UCHL5: variants seen among roughly 807,000 people sequenced by gnomAD.
UCHL5 encodes the protein ubiquitin carboxyl-terminal hydrolase isozyme L5.
In UCHL5, 34 loss-of-function variants were observed where a neutral mutation model predicts 53.8. The observed-to-expected ratio is 0.63, with a 90% confidence interval of 0.48 to 0.84. UCHL5 has a LOEUF of 0.84. Ranked by LOEUF, UCHL5 falls within the 40% of genes least tolerant of loss-of-function variation. UCHL5 has a pLI of 0.00. For synonymous variants in UCHL5, 111 were observed against 126.3 expected, an observed-to-expected ratio of 0.88 and a Z score of 0.81; for missense variants, 290 against 385.6, an observed-to-expected ratio of 0.75 and a Z score of 2.08.
At chr1:193,030,658 T>A (rs1047066668) in intron 3 of UCHL5, among the ~76,000 whole-genome samples, 2 of 152,238 alleles carry the variant, frequency 1.3e-5, no homozygotes, top group African/African-American at 4.8e-5. Context: ...TACAGTATTA[T>A]GTTACTATAT....
chr1:193,020,506 C>G, intron 10 of UCHL5: 1 of 1,431,440 alleles, frequency 7.0e-7, no homozygotes, highest in South Asian at 1.6e-5. Flanking sequence ...CACTGATGTT[C>G]ACTTTCAGAA....
chr1:193,020,438 T>C, intron 10 of UCHL5: 9 of 1,544,384 alleles, frequency 5.8e-6, no homozygotes, highest in Non-Finnish European at 7.9e-6. Context: ...TAAAGAATCC[T>C]TCCCCTATAT....
At chr1:193,035,555 A>C (rs1160569083) in intron 3 of UCHL5, among the ~76,000 whole-genome samples, 3 of 152,112 alleles carry the variant, frequency 2.0e-5, no homozygotes, top group Non-Finnish European at 2.9e-5. Context: ...AGCTGAGAGA[A>C]GTGGCCACAA....
rs1041016187 is a variant in UCHL5 at position 193,015,700 on chromosome 1, G to C, written c.*651C>G. On this transcript the variant is annotated 3_prime_UTR_variant, in exon 11 of 11. Coordinates refer to ENST00000367454, the MANE Select transcript of UCHL5 (RefSeq NM_001199261.3). ...ATTTTGCTTTGAAGCATAATACTCAGACCTTCCTGAAACAATTCTCTAATA... is the reference window on the plus strand; with the variant it reads ...ATTTTGCTTTGAAGCATAATACTCACACCTTCCTGAAACAATTCTCTAATA... 2.0e-5 allele frequency: 3 copies of C among 151,894 alleles called. No homozygotes were observed. Among genetic ancestry groups the C allele is most frequent in the African/African-American group, 4.8e-5 (2 of 41,404 alleles). The allele number at this position is 151,894 out of a possible 1,614,324, so 9.4% of individuals were successfully genotyped here.
intron 3 of UCHL5, among the ~76,000 whole-genome samples, chr1:193,032,514 A>G (rs557071875): frequency 8.5e-5 from 13 of 152,336 alleles, no homozygotes; most frequent in African/African-American, 3.1e-4. Flanking sequence ...AACAAAAACC[A>G]AAATTGACAA....
chr1:193,059,664 T>C, upstream of UCHL5: 1 of 1,376,932 alleles, frequency 7.3e-7, no homozygotes, highest in Non-Finnish European at 9.7e-7. This position sits in a 1 kb window ranked among gnomAD's most constrained non-coding sequence, Gnocchi z 4.9. Flanking sequence ...GGGCTGTTGC[T>C]GTTGCTGTGG....
chr1:193,023,815 A>C (rs746827300), intron 8 of UCHL5, 29 bp downstream of exon 8: 5 of 1,526,584 alleles, frequency 3.3e-6, no homozygotes, highest in Non-Finnish European at 3.6e-6. Flanking sequence ...CCAAGCTAGA[A>C]CTTTGTACTT....
intron 3 of UCHL5, among the ~76,000 whole-genome samples, chr1:193,035,962 A>G (rs1381480195): frequency 6.6e-6 from 1 of 152,038 alleles, no homozygotes; most frequent in Non-Finnish European, 1.5e-5. Context: ...TGTAAGCTTC[A>G]TGGTAACCGC....
At chr1:193,050,182 A>AGTTCAT (rs1668569606) in intron 2 of UCHL5, among the ~76,000 whole-genome samples, 1 of 152,196 alleles carries the variant, frequency 6.6e-6, no homozygotes, top group Non-Finnish European at 1.5e-5. Flanking sequence ...AAATATATAA[A>AGTTCAT]GTTCATGTAA....
intron 3 of UCHL5, among the ~76,000 whole-genome samples, chr1:193,040,208 C>A (rs537164145): frequency 6.6e-6 from 1 of 152,206 alleles, no homozygotes; most frequent in East Asian, 1.9e-4. Context: ...AGTAAAGCGA[C>A]AACCCACAGA....
chr1:193,044,691 A>AT (rs1254784997), intron 3 of UCHL5, among the ~76,000 whole-genome samples: 2 of 152,222 alleles, frequency 1.3e-5, no homozygotes, highest in South Asian at 2.1e-4. Flanking sequence ...ATTTCATTAA[A>AT]TTTTTTCAAA....
chr1:193,029,745 A>C, intron 3 of UCHL5, 88 bp from the exon 4 acceptor site: 1 of 1,023,080 alleles, frequency 9.8e-7, no homozygotes, highest in East Asian at 2.7e-5. Flanking sequence ...AAACATGAAC[A>C]GTTTTCAAAT....
Position 193,027,846 on chromosome 1 carries a change from G to C in UCHL5, c.629+239C>G, listed in dbSNP as rs772310813. 29 of 1,356,508 alleles carry C rather than the reference G, an allele frequency of 2.1e-5. No individual in the cohort carries two copies. In the African/African-American group the frequency reaches 3.9e-4, roughly 18 times the overall value. The allele number at this position is 1,356,508 out of a possible 1,614,324, so 84.0% of individuals were successfully genotyped here. On this transcript the variant is annotated intron_variant, in intron 7 of 10. Coordinates refer to ENST00000367454, the MANE Select transcript of UCHL5 (RefSeq NM_001199261.3). ...CCAATCAAAAGTAGATGTTTGGCTG[G>C]GCACAGTGGCTCACGCCTGTAATCC...
At chr1:193,023,397 T>C (rs144494078) in intron 8 of UCHL5, among the ~76,000 whole-genome samples, 144 of 152,286 alleles carry the variant, frequency 9.5e-4, no homozygotes, top group African/African-American at 3.3e-3. Flanking sequence ...ACATTTACTA[T>C]AGAAAGGTAA....
intron 3 of UCHL5, 85 bp downstream of exon 3, chr1:193,049,661 C>T: frequency 9.5e-7 from 1 of 1,051,348 alleles, no homozygotes; most frequent in South Asian, 1.9e-5. Context: ...AGGACTACTA[C>T]ACTAGTAGCA....
In UCHL5 at chr1:193,043,158, A is replaced by T. The variant is rs902703884; in HGVS notation, c.246+6588T>A. On this transcript the variant is annotated intron_variant, in intron 3 of 10. Coordinates refer to ENST00000367454, the MANE Select transcript of UCHL5 (RefSeq NM_001199261.3). ...TTGACAGCTCTTGAATATTAAAAAA[A>T]AAAAAAAAAAAAAAAAAACCACCTA... Among the ~76,000 whole-genome samples, 88 of 142,396 alleles carry T rather than the reference A, an allele frequency of 6.2e-4. 2 individuals are homozygous for T. Among genetic ancestry groups the T allele is most frequent in the East Asian group, 1.8e-3 (9 of 5,116 alleles). The allele number at this position is 142,396 out of a possible 152,430, so 93.4% of individuals were successfully genotyped here.
intron 2 of UCHL5, among the ~76,000 whole-genome samples, chr1:193,051,204 T>G (rs1668927779): frequency 6.6e-6 from 1 of 152,060 alleles, no homozygotes; most frequent in Admixed American, 6.6e-5. Flanking sequence ...GGTCAATGTT[T>G]GAGGGCATGG....
At chr1:193,059,619 C>G, upstream of UCHL5, 4 of 1,415,892 alleles carry the variant, frequency 2.8e-6, no homozygotes, top group Non-Finnish European at 3.8e-6. The surrounding 1 kb of genome is among the most constrained non-coding windows in gnomAD (Gnocchi z 4.9). Flanking sequence ...AGGACTCGTT[C>G]CCGGGAACCG....
At chr1:193,019,708 T>C (rs539251219) in intron 10 of UCHL5, among the ~76,000 whole-genome samples, 2 of 151,852 alleles carry the variant, frequency 1.3e-5, no homozygotes, top group East Asian at 3.9e-4. Flanking sequence ...TGTTGTTCTC[T>C]AACTATGCTC....
Sources: gnomAD v4.1 joint callset for allele counts (sites outside exome capture counted in the v4.1 genomes callset) on GRCh38, gnomAD v4.1.1 for gene constraint, Gnocchi (gnomAD v3.1) non-coding constraint, MANE v1.5 for transcripts, NCBI Gene and HGNC (gene_info 2026-07-23, HGNC 2026-07-21) for gene names.